The following STK4 variants were observed in gnomAD, a reference collection of about 807,000 sequenced individuals.
STK4 encodes the protein serine/threonine kinase 4.
In STK4, 30 loss-of-function variants were observed where a neutral mutation model predicts 64.9. The observed-to-expected ratio is 0.46, with a 90% CI of 0.35 to 0.63. The LOEUF (loss-of-function observed/expected upper bound fraction) is 0.63, where lower values mean the gene tolerates loss of function less well. Ranked by LOEUF, STK4 falls within the 20% of genes least tolerant of loss-of-function variation. The probability of loss-of-function intolerance (pLI) is 0.01; values close to 1 mark genes in which losing one functional copy is unlikely to be tolerated. For missense variants in STK4, 466 were observed against 598.5 expected (o/e 0.78, Z 2.31); for synonymous variants, 177 against 199.0 (o/e 0.89, Z 0.93).
intron 3 of STK4, among the ~76,000 whole-genome samples, chr20:44,981,209 C>G (rs6031903): frequency 0.019 from 2,940 of 152,002 alleles, 92 homozygotes; most frequent in African/African-American, 0.067. Flanking sequence ...GGCTGGAGTG[C>G]AGTGGCGCGA....
rs1309263521 is a variant in STK4 at position 44,982,008 on chromosome 20, CT to C, written c.360+70del. ...TTATGCCATCTTCTTTTCTCTGCCTCTTTTTCAGGGCATTCTCCTACTAGAG... is the reference window on the plus strand; with the variant it reads ...TTATGCCATCTTCTTTTCTCTGCCTCTTTTCAGGGCATTCTCCTACTAGAG... On this transcript the variant is annotated intron_variant, in intron 4 of 10. Coordinates refer to ENST00000372806, the MANE Select transcript of STK4 (RefSeq NM_006282.5). 1.6e-5 allele frequency: 17 copies of C among 1,084,580 alleles called. No homozygotes were observed. In the Admixed American group the frequency reaches 3.1e-4, roughly 20 times the overall value. The allele number at this position is 1,084,580 out of a possible 1,614,324, so 67.2% of individuals were successfully genotyped here.
chr20:45,059,296 GA>G (rs1978780189), intron 10 of STK4, among the ~76,000 whole-genome samples: 1 of 152,166 alleles, frequency 6.6e-6, no homozygotes, highest in South Asian at 2.1e-4. Flanking sequence ...CTTAGTGTAT[GA>G]TTTTTTGTTG....
At chr20:45,026,093 A>G (rs987771739) in intron 10 of STK4, among the ~76,000 whole-genome samples, 1 of 132,126 alleles carries the variant, frequency 7.6e-6, no homozygotes, top group African/African-American at 3.0e-5. Context: ...TATTTGTTTT[A>G]TTACCTGTTT....
intron 4 of STK4, among the ~76,000 whole-genome samples, chr20:44,983,396 G>A (rs1297721189): frequency 6.6e-6 from 1 of 152,182 alleles, no homozygotes; most frequent in Non-Finnish European, 1.5e-5. Flanking sequence ...CAGTCCAGGA[G>A]TTCGAGGCCA....
chr20:45,050,450 A>G (rs2068760267), intron 10 of STK4, among the ~76,000 whole-genome samples: 2 of 152,200 alleles, frequency 1.3e-5, no homozygotes, highest in South Asian at 2.1e-4. Context: ...TTGCTTTAAT[A>G]ACATCTTTGC....
At chr20:45,054,707 C>T (rs1477231541) in intron 10 of STK4, among the ~76,000 whole-genome samples, 1 of 151,942 alleles carries the variant, frequency 6.6e-6, no homozygotes, top group African/African-American at 2.4e-5. Context: ...TCAAATTCCC[C>T]ATCTGTAGCA....
intron 10 of STK4, among the ~76,000 whole-genome samples, chr20:45,055,252 C>T (rs1287206261): frequency 6.6e-6 from 1 of 152,180 alleles, no homozygotes; most frequent in Admixed American, 6.5e-5. Flanking sequence ...TCCTCTGTGG[C>T]TCTGTCATTT....
At chr20:44,998,138 A>C (rs1040295037) in intron 7 of STK4, among the ~76,000 whole-genome samples, 3 of 152,160 alleles carry the variant, frequency 2.0e-5, no homozygotes, top group Non-Finnish European at 4.4e-5. Context: ...TGGACTGGAG[A>C]TGCAAAAAGT....
intron 7 of STK4, among the ~76,000 whole-genome samples, chr20:44,999,870 C>T (rs2067803853): frequency 6.6e-6 from 1 of 152,156 alleles, no homozygotes; most frequent in Non-Finnish European, 1.5e-5. Flanking sequence ...ATTAAGCTCC[C>T]CTCTCTAAAA....
At chr20:45,018,441 T>G (rs2145364916) in intron 9 of STK4, among the ~76,000 whole-genome samples, 1 of 152,332 alleles carries the variant, frequency 6.6e-6, no homozygotes, top group African/African-American at 2.4e-5. Flanking sequence ...TAGTAGATGG[T>G]CATTCCAATG....
In STK4 at chr20:45,076,538, TAAAGAG is replaced by T. The variant is rs1224137083; in HGVS notation, c.*1364_*1369del. On this transcript the variant is annotated 3_prime_UTR_variant, in exon 11 of 11. Coordinates refer to ENST00000372806, the MANE Select transcript of STK4 (RefSeq NM_006282.5). The surrounding 1 kb of genome is among the most constrained non-coding windows in gnomAD (Gnocchi z 4.0). ...GGCTCTTCAGTAGATGACCTGGCTGTAAAGAGATTCCCTGGACGAGCCAGATCATTC... is the reference window on the plus strand; with the variant it reads ...GGCTCTTCAGTAGATGACCTGGCTGTATTCCCTGGACGAGCCAGATCATTC... 1 of 152,208 alleles carries T rather than the reference TAAAGAG, an allele frequency of 6.6e-6. No individual in the cohort carries two copies. The highest frequency in any genetic ancestry group is 6.5e-5 in the Admixed American group (1 of 15,284). 9.4% of individuals were successfully genotyped at this position (152,208 alleles called of 1,614,324 possible). A position where few individuals can be genotyped will look rare whatever the true frequency, so the allele number is the denominator to read the frequency against.
At chr20:44,991,940 A>G (rs6073593) in intron 5 of STK4, among the ~76,000 whole-genome samples, 38,666 of 152,086 alleles carry the variant, frequency 0.25, 5,661 homozygotes, top group Middle Eastern at 0.43. Context: ...CTGGGATTAC[A>G]GGTTTGAGCC....
intron 2 of STK4, among the ~76,000 whole-genome samples, chr20:44,976,303 C>T (rs776942459): frequency 6.6e-6 from 1 of 152,150 alleles, no homozygotes. Context: ...AGGTCTAATA[C>T]AGTTTTGGTA....
rs11397664 is a variant in STK4, at chr20:44,984,186, G to GTTTTTTTTTTTT, written c.360+2255_360+2266dup. On this transcript the variant is annotated intron_variant, in intron 4 of 10. Transcript: ENST00000372806. ...GTGCTGGTTTTTTGTTGTTGTCGTT[G>GTTTTTTTTTTTT]TTTTTTTTTTTTTTTTTTTTTTTGA... Among the ~76,000 whole-genome samples the GTTTTTTTTTTTT allele has an allele frequency of 2.0e-4, 15 of 76,078 alleles. 1 individual carries two copies. Among genetic ancestry groups the GTTTTTTTTTTTT allele is most frequent in the Non-Finnish European group, 2.8e-4 (12 of 43,310 alleles). 49.9% of individuals were successfully genotyped at this position (76,078 alleles called of 152,430 possible).
chr20:45,056,822 G>C (rs1289673636), intron 10 of STK4, among the ~76,000 whole-genome samples: 1 of 152,184 alleles, frequency 6.6e-6, no homozygotes, highest in Non-Finnish European at 1.5e-5. Flanking sequence ...GTTCCCTAAG[G>C]CTGAGGGCGT....
At chr20:45,051,071 T>C (rs1391399786) in intron 10 of STK4, among the ~76,000 whole-genome samples, 1 of 152,194 alleles carries the variant, frequency 6.6e-6, no homozygotes, top group Non-Finnish European at 1.5e-5. Context: ...CACTTCAAAC[T>C]CTGAGTTTTA....
At position 44,997,290 on chromosome 20, in the gene STK4, C is replaced by G. The variant is rs768070960; in HGVS notation, c.815C>G (p.Ala272Gly). Residue 272 changes from alanine to glycine, a missense_variant, in exon 7 of 11, where the codon GCC becomes GGC. Coordinates refer to ENST00000372806, the MANE Select transcript of STK4 (RefSeq NM_006282.5). ...LVKSPEQRATATQLLQHPFVR... is the reference protein window; with the variant it reads ...LVKSPEQRATGTQLLQHPFVR... The stretch of plus-strand genomic sequence containing the variant: ...AAGAGCCCTGAGCAGAGGGCCACAG[C>G]CACTCAGCTCCTGCAGGTATGAATC... The G allele has an allele frequency of 6.2e-7, 1 of 1,601,854 alleles. No individual in the cohort carries two copies. Among genetic ancestry groups the G allele is most frequent in the South Asian group, 1.1e-5 (1 of 88,652 alleles).
intron 10 of STK4, among the ~76,000 whole-genome samples, chr20:45,046,020 C>A (rs972652432): frequency 6.6e-6 from 1 of 151,870 alleles, no homozygotes; most frequent in African/African-American, 2.4e-5. Flanking sequence ...TTGGCCGGGC[C>A]AGTCACAAAC....
chr20:45,012,799 C>CTT lies in STK4; in HGVS notation c.1147+11459_1147+11460dup, dbSNP rs57529086. On this transcript the variant is annotated intron_variant, in intron 9 of 10. Coordinates refer to ENST00000372806, the MANE Select transcript of STK4 (RefSeq NM_006282.5). ...ATATAATCTTCTTCTTCTTCTTCTT[C>CTT]TTTTTTTTTTTTTTGAGGCACTGTC... Among the ~76,000 whole-genome samples the CTT allele has an allele frequency of 2.7e-3, 316 of 115,562 alleles. 1 individual carries two copies. Among genetic ancestry groups the CTT allele is most frequent in the African/African-American group, 9.2e-3 (288 of 31,138 alleles). 75.8% of individuals were successfully genotyped at this position (115,562 alleles called of 152,430 possible).
Sources: allele counts gnomAD v4.1 joint callset (sites outside exome capture counted in the v4.1 genomes callset), GRCh38; gene constraint gnomAD v4.1.1; non-coding constraint Gnocchi (gnomAD v3.1); transcripts MANE v1.5; gene names NCBI Gene and HGNC (gene_info 2026-07-23, HGNC 2026-07-21).